Variants in CRX observed in about 807,000 individuals in gnomAD.
CRX encodes cone-rod homeobox, also known as cone-rod homeobox protein.
In CRX, 5 loss-of-function variants were observed where a neutral mutation model predicts 13.1. The ratio of observed to expected loss-of-function variants is 0.38; its 90% CI spans 0.20 to 0.80. The LOEUF (loss-of-function observed/expected upper bound fraction) is 0.80, where lower values mean the gene tolerates loss of function less well. CRX is among the 30% of genes least tolerant of loss of function. The pLI, the probability that CRX is intolerant of heterozygous loss-of-function variation, is 0.43. For synonymous variants in CRX, 179 were observed against 171.1 expected (o/e 1.05, Z -0.36); for missense variants, 351 against 391.8 (o/e 0.90, Z 0.88).
chr19:47,832,848 T>A (rs1400841277), intron 1 of CRX, among the ~76,000 whole-genome samples: 5 of 151,976 alleles, frequency 3.3e-5, no homozygotes, highest in Non-Finnish European at 5.9e-5. Context: ...TGAAGGTGAA[T>A]TACTAGGACA....
intron 1 of CRX, among the ~76,000 whole-genome samples, chr19:47,832,522 G>A (rs906783086): frequency 1.1e-4 from 17 of 151,672 alleles, no homozygotes; most frequent in African/African-American, 2.7e-4. Context: ...GACGGAGTCC[G>A]TAGCCCAGGC....
intron 2 of CRX, among the ~76,000 whole-genome samples, chr19:47,835,096 G>A (rs886645693): frequency 3.9e-5 from 6 of 152,164 alleles, no homozygotes; most frequent in Non-Finnish European, 5.9e-5. Flanking sequence ...CTGGGCTCAA[G>A]CGATCCTTTT....
At position 47,840,705 on chromosome 19, in the gene CRX, T is replaced by TTTC. The variant is rs1403277656; in HGVS notation, c.*740_*741insCTT. The TTTC allele has an allele frequency of 8.2e-6, 1 of 122,608 alleles. No homozygotes were observed. Among genetic ancestry groups the TTTC allele is most frequent in the Non-Finnish European group, 1.7e-5 (1 of 59,598 alleles). The allele number at this position is 122,608 out of a possible 1,614,324, so 7.6% of individuals were successfully genotyped here. ...GGCGTGAGCCACCGCGCCCGGCCCT[T>TTTC]TTTTTTTTTTTTTTTTTTAATTGAG... On this transcript the variant is annotated 3_prime_UTR_variant, in exon 4 of 4. Coordinates refer to ENST00000221996, the MANE Select transcript of CRX (RefSeq NM_000554.6).
chr19:47,824,857 C>T (rs1568620927), intron 1 of CRX, among the ~76,000 whole-genome samples: 1 of 151,968 alleles, frequency 6.6e-6, no homozygotes, highest in Non-Finnish European at 1.5e-5. Flanking sequence ...CATAAAACAT[C>T]AGTGTCTGGA....
intron 1 of CRX, among the ~76,000 whole-genome samples, chr19:47,825,836 C>T (rs771832352): frequency 9.9e-5 from 15 of 152,100 alleles, no homozygotes; most frequent in Non-Finnish European, 1.8e-4. Flanking sequence ...GCAGAAGAAT[C>T]GCTTGAATCC....
intron 1 of CRX, among the ~76,000 whole-genome samples, chr19:47,822,472 C>G (rs1967923741): frequency 6.6e-6 from 1 of 152,310 alleles, no homozygotes; most frequent in Middle Eastern, 3.4e-3. Context: ...CAGTGCCCAG[C>G]GTGTGGTTGG....
intron 1 of CRX, among the ~76,000 whole-genome samples, chr19:47,833,029 CTTTTTTTTTTT>C (rs35088115): frequency 1.1e-5 from 1 of 88,276 alleles, no homozygotes; most frequent in Non-Finnish European, 2.2e-5. Flanking sequence ...TCCACACTCG[CTTTTTTTTTTT>C]TTTTTTTTTT....
At chr19:47,826,047 A>C (rs776887246) in intron 1 of CRX, among the ~76,000 whole-genome samples, 5 of 152,148 alleles carry the variant, frequency 3.3e-5, no homozygotes, top group Non-Finnish European at 7.3e-5. Flanking sequence ...AAGACAATGA[A>C]AGTGTGTGCT....
rs1347080674 is a variant in CRX at position 47,834,279 on chromosome 19, G to C, written c.-35-130G>C. ...TTACATGTGAGGACACAGAGGTACA[G>C]AGAGGTGAGATAAATGGCCAAGGTC... On this transcript the variant is annotated intron_variant, in intron 1 of 3. Transcript: ENST00000221996. 5 of 680,624 alleles carry C rather than the reference G, an allele frequency of 7.3e-6. No homozygotes were observed. In the African/African-American group the frequency reaches 8.8e-5, roughly 12 times the overall value. 42.2% of individuals were successfully genotyped at this position (680,624 alleles called of 1,614,324 possible).
chr19:47,829,277 G>A (rs917534256), intron 1 of CRX, among the ~76,000 whole-genome samples: 8 of 151,232 alleles, frequency 5.3e-5, no homozygotes, highest in African/African-American at 1.9e-4. Flanking sequence ...CACCATGCCT[G>A]GCTAATTTTT....
At chr19:47,836,654 T>C (rs1968121486) in intron 3 of CRX, among the ~76,000 whole-genome samples, 1 of 152,212 alleles carries the variant, frequency 6.6e-6, no homozygotes, top group African/African-American at 2.4e-5. Context: ...TTCCTCTATC[T>C]GGAATGCTTA....
At chr19:47,824,642 C>G (rs1967952985) in intron 1 of CRX, among the ~76,000 whole-genome samples, 1 of 152,128 alleles carries the variant, frequency 6.6e-6, no homozygotes, top group Admixed American at 6.6e-5. Context: ...GGCTCAGTCT[C>G]CCCCGCTGTA....
rs766212451 is a variant in CRX, at chr19:47,839,682, C to T, written c.615C>T (p.Pro205=). The part of the protein sequence containing the change: ...YAPASAFCSS[P]SAYGSPSSYF... Reference sequence around the variant, plus strand: ...CGGCCTCCGCTTTCTGCTCTTCCCCCTCCGCCTATGGGTCTCCGAGCTCCT... The same window carrying T: ...CGGCCTCCGCTTTCTGCTCTTCCCCTTCCGCCTATGGGTCTCCGAGCTCCT... The change falls in exon 4 of 4, where the codon CCC becomes CCT. Residue 205 remains proline (P), a synonymous_variant. Transcript: ENST00000221996. This position sits in a 1 kb window ranked among gnomAD's most constrained non-coding sequence, Gnocchi z 4.6. 2 of 1,613,806 alleles carry T rather than the reference C, an allele frequency of 1.2e-6. No homozygotes were observed. Among genetic ancestry groups the T allele is most frequent in the Non-Finnish European group, 1.7e-6 (2 of 1,180,014 alleles).
intron 1 of CRX, among the ~76,000 whole-genome samples, chr19:47,833,367 T>C (rs1043943129): frequency 8.6e-5 from 13 of 151,668 alleles, no homozygotes; most frequent in African/African-American, 2.7e-4. Flanking sequence ...CTGCAACCTC[T>C]GCCTCCCGGG....
chr19:47,839,807 C>A lies in CRX; in HGVS notation c.740C>A (p.Ala247Asp). The A allele has an allele frequency of 6.2e-7, 1 of 1,614,132 alleles. No homozygotes were observed. Among genetic ancestry groups the A allele is most frequent in the Non-Finnish European group, 8.5e-7 (1 of 1,180,024 alleles). The change falls in exon 4 of 4, where the codon GCC becomes GAC. Residue 247 changes from alanine to aspartate, a missense_variant. Ala to Asp is a moderately radical substitution (Grantham distance 126). Coordinates refer to ENST00000221996, the MANE Select transcript of CRX (RefSeq NM_000554.6). This position sits in a 1 kb window ranked among gnomAD's most constrained non-coding sequence, Gnocchi z 4.6. ...GGCCCCTCCGTGGGACCTTCCCTGG[C>A]CCAGTCCCCCACCTCCCTATCAGGC... ...LSGPSVGPSL[A>D]QSPTSLSGQS...
At chr19:47,824,989 G>GTTTTTT (rs1568620994) in intron 1 of CRX, among the ~76,000 whole-genome samples, 11 of 57,942 alleles carry the variant, frequency 1.9e-4, no homozygotes, top group African/African-American at 4.8e-4. Context: ...TCGATTGATT[G>GTTTTTT]ATTTTTTTTT....
chr19:47,834,899 G>A (rs1235431649), intron 2 of CRX, among the ~76,000 whole-genome samples: 4 of 152,058 alleles, frequency 2.6e-5, no homozygotes, highest in South Asian at 2.1e-4. Flanking sequence ...CTGCAGCCTC[G>A]AACTCCTGGG....
intron 1 of CRX, among the ~76,000 whole-genome samples, chr19:47,828,812 G>A (rs1968008324): frequency 6.6e-6 from 1 of 151,570 alleles, no homozygotes; most frequent in Admixed American, 6.6e-5. Flanking sequence ...ATCCTAATGA[G>A]GGCAATGAGG....
At chr19:47,826,289 G>C (rs1236303732) in intron 1 of CRX, among the ~76,000 whole-genome samples, 1 of 151,608 alleles carries the variant, frequency 6.6e-6, no homozygotes, top group Non-Finnish European at 1.5e-5. Context: ...TCACACTTTC[G>C]AGCCTGAAGA....
Sources: allele counts gnomAD v4.1 joint callset (sites outside exome capture counted in the v4.1 genomes callset), GRCh38; gene constraint gnomAD v4.1.1; non-coding constraint Gnocchi (gnomAD v3.1); transcripts MANE v1.5; gene names NCBI Gene and HGNC (gene_info 2026-07-23, HGNC 2026-07-21).